Variants in SEMA6C observed in about 807,000 individuals in gnomAD.
The protein encoded by SEMA6C is semaphorin 6C, also known as semaphorin-6C.
In SEMA6C, 37 loss-of-function variants were observed where a neutral mutation model predicts 72.9. That is an observed-to-expected ratio of 0.51 (90% confidence interval 0.39 to 0.67). The LOEUF (loss-of-function observed/expected upper bound fraction) is 0.67. Among genes scored for constraint, SEMA6C ranks in the 30% least tolerant of loss-of-function variants. SEMA6C has a pLI of 0.00. For missense variants in SEMA6C, 1,189 were observed against 1,263.6 expected (o/e 0.94, Z 0.89); for synonymous variants, 578 against 554.1 (o/e 1.04, Z -0.61).
At chr1:151,136,361 G>C in intron 12 of SEMA6C, 87 bp downstream of exon 12, 1 of 1,550,008 alleles carries the variant, frequency 6.5e-7, no homozygotes, top group Non-Finnish European at 8.7e-7. Flanking sequence ...CTGAGGCCTT[G>C]GACATCTCAT....
At chr1:151,138,186 C>A in intron 8 of SEMA6C, 81 bp from the exon 9 acceptor site, 1 of 1,591,142 alleles carries the variant, frequency 6.3e-7, no homozygotes, top group Non-Finnish European at 8.6e-7. Flanking sequence ...TGCACCCCTA[C>A]CTAGGCCTGG....
Position 151,132,274 on chromosome 1 carries a change from C to A in SEMA6C, c.*210G>T. The A allele has an allele frequency of 6.5e-7, 1 of 1,530,072 alleles. No individual in the cohort carries two copies. Among genetic ancestry groups the A allele is most frequent in the Non-Finnish European group, 8.7e-7 (1 of 1,143,260 alleles). 94.8% of individuals were successfully genotyped at this position (1,530,072 alleles called of 1,614,324 possible). ...CTGAAATGCTGGCTCACTGAGGAGA[C>A]GGGCTTCTCACCTCCCACTCTTCTG... On this transcript the variant is annotated 3_prime_UTR_variant, in exon 19 of 19. Transcript: ENST00000368914.
At chr1:151,139,394 C>T in intron 6 of SEMA6C, 31 bp downstream of exon 6, 1 of 1,590,698 alleles carries the variant, frequency 6.3e-7, no homozygotes, top group Non-Finnish European at 8.6e-7. Context: ...TAATCCTCTC[C>T]TTCCCTCCAC....
chr1:151,134,800 A>C lies in SEMA6C; in HGVS notation c.1656T>G (p.Gly552=), dbSNP rs1218370551. 1 of 1,613,958 alleles carries C rather than the reference A, an allele frequency of 6.2e-7. No homozygotes were observed. The highest frequency in any genetic ancestry group is 8.5e-7 in the Non-Finnish European group (1 of 1,179,928). The change falls in exon 16 of 19, where the codon GGT becomes GGG. Residue 552 remains glycine (G), a splice_region_variant and synonymous_variant. Coordinates refer to ENST00000368914, the MANE Select transcript of SEMA6C (RefSeq NM_030913.6). ...SRGCVDIRGS[G]GTDVDQAGNQ... Reference sequence around the variant, plus strand: ...AAACCCAAGGACCCATCACTTACCCACCAGATCCCCTGATATCCACACAGC... The same window carrying C: ...AAACCCAAGGACCCATCACTTACCCCCCAGATCCCCTGATATCCACACAGC...
chr1:151,135,386 C>T (rs76056107), intron 14 of SEMA6C, 77 bp from the exon 15 acceptor site: 22,922 of 1,551,410 alleles, frequency 0.015, 460 homozygotes, highest in South Asian at 0.073. Context: ...GAACAGAAAG[C>T]GGGGAGGCAC....
intron 9 of SEMA6C, 93 bp downstream of exon 9, chr1:151,137,893 C>T (rs1682190397): frequency 7.6e-6 from 12 of 1,581,510 alleles, no homozygotes; most frequent in Non-Finnish European, 1.0e-5. Context: ...TGCATACATA[C>T]ACACTACCAC....
In SEMA6C at chr1:151,135,764, C is replaced by T; in HGVS notation, c.1260G>A (p.Arg420=). ...CCACAGCTACTTGGGTCAGTAGGGC[C>T]CTGGAGGAAAGGGCCTCAGGTCAGG... ...THQPLLTLTS[R]ALLTQVAVDG... Residue 420 remains arginine (R), a splice_region_variant and synonymous_variant, in exon 14 of 19, where the codon AGG becomes AGA. Transcript: ENST00000368914. 1 of 1,613,756 alleles carries T rather than the reference C, an allele frequency of 6.2e-7. No individual in the cohort carries two copies. Among genetic ancestry groups the T allele is most frequent in the African/African-American group, 1.3e-5 (1 of 75,038 alleles).
In SEMA6C at chr1:151,140,094, G is replaced by A. The variant is rs761386841; in HGVS notation, c.119-4C>T. 6.2e-7 allele frequency: 1 copy of A among 1,611,020 alleles called. No homozygotes were observed. Among genetic ancestry groups the A allele is most frequent in the East Asian group, 2.2e-5 (1 of 44,796 alleles). On this transcript the variant is annotated splice_region_variant and splice_polypyrimidine_tract_variant and intron_variant, in intron 3 of 18. Coordinates refer to ENST00000368914, the MANE Select transcript of SEMA6C (RefSeq NM_030913.6). ...AACCAGGATAATGGGGAAGTACCTT[G>A]AGGACACAGAGAGATAGGATTCTGA...
Position 151,138,003 on chromosome 1 carries a change from T to A in SEMA6C, c.650A>T (p.Asp217Val). The change falls in exon 9 of 19, where the codon GAC becomes GTC. Residue 217 changes from aspartate to valine, a missense_variant. Coordinates refer to ENST00000368914, the MANE Select transcript of SEMA6C (RefSeq NM_030913.6). Reference protein sequence around the residue: ...PQPPLRSAKYDSKWLREPHFV... With the variant: ...PQPPLRSAKYVSKWLREPHFV... ...GCCCTGACCTCGGAGCCACTTGGAG[T>A]CATACTTGGCGGAGCGGAGTGGGGG... is the stretch of plus-strand genomic sequence containing the variant. The A allele has an allele frequency of 1.2e-6, 2 of 1,613,928 alleles. No individual in the cohort carries two copies. Among genetic ancestry groups the A allele is most frequent in the Non-Finnish European group, 1.7e-6 (2 of 1,179,942 alleles).
At chr1:151,135,140 G>A (rs779662381) in intron 15 of SEMA6C, 23 bp downstream of exon 15, 41 of 1,611,332 alleles carry the variant, frequency 2.5e-5, no homozygotes, top group Non-Finnish European at 3.4e-5. Flanking sequence ...CCCACACAGG[G>A]CCTGGCCTCA....
rs912359067 is a variant in SEMA6C at position 151,134,091 on chromosome 1, C to T, written c.1759+310G>A. ...AGACCAGGTCAGAGCCAGTGAGGCT[C>T]TTGATCTCTACCCCTGACACCCTTC... On this transcript the variant is annotated intron_variant, in intron 18 of 18. Coordinates refer to ENST00000368914, the MANE Select transcript of SEMA6C (RefSeq NM_030913.6). 3 of 1,411,106 alleles carry T rather than the reference C, an allele frequency of 2.1e-6. No homozygotes were observed. The African/African-American group carries it at 4.3e-5, about 20-fold the overall frequency. The allele number at this position is 1,411,106 out of a possible 1,614,324, so 87.4% of individuals were successfully genotyped here.
intron 2 of SEMA6C, 73 bp from the exon 3 acceptor site, chr1:151,142,748 T>A: frequency 1.4e-6 from 1 of 713,576 alleles, no homozygotes; most frequent in Admixed American, 3.2e-5. Flanking sequence ...AGCAGGCTCC[T>A]CTCCTGGTGT....
chr1:151,142,522 A>G lies in SEMA6C; in HGVS notation c.100T>C (p.Leu34=), dbSNP rs1446880214. ...CACTCACCTTGAAGGTCAGAGATCAACAGAGGGAGGGGGTCCTGGGGAAAG... is the reference window on the plus strand; with the variant it reads ...CACTCACCTTGAAGGTCAGAGATCAGCAGAGGGAGGGGGTCCTGGGGAAAG... ...AAFPQDPLPL[L]ISDLQGTSPL... Residue 34 remains leucine (L), a synonymous_variant, in exon 3 of 19, where the codon TTG becomes CTG. Coordinates refer to ENST00000368914, the MANE Select transcript of SEMA6C (RefSeq NM_030913.6). 6.2e-7 allele frequency: 1 copy of G among 1,613,334 alleles called. No homozygotes were observed. The highest frequency in any genetic ancestry group is 1.7e-5 in the Admixed American group (1 of 59,996).
intron 7 of SEMA6C, 90 bp downstream of exon 7, chr1:151,138,540 A>G (rs747748232): frequency 1.2e-5 from 17 of 1,459,636 alleles, no homozygotes; most frequent in Admixed American, 1.8e-5. Context: ...CCATTCCCCA[A>G]CCGCAGTCCT....
In SEMA6C at chr1:151,131,945, A is replaced by G. The variant is rs1558172951; in HGVS notation, c.*539T>C. 1.8e-5 allele frequency: 4 copies of G among 225,612 alleles called. No homozygotes were observed. Among genetic ancestry groups the G allele is most frequent in the Non-Finnish European group, 3.6e-5 (4 of 110,502 alleles). 14.0% of individuals were successfully genotyped at this position (225,612 alleles called of 1,614,324 possible). The stretch of plus-strand genomic sequence containing the variant: ...ACTGCCCCCCGGCGGGACCGCAGCC[A>G]TCCCATTACCCGGGAGAGCCCAGGG... On this transcript the variant is annotated 3_prime_UTR_variant, in exon 19 of 19. Coordinates refer to ENST00000368914, the MANE Select transcript of SEMA6C (RefSeq NM_030913.6).
In SEMA6C at chr1:151,134,654, C is replaced by T; in HGVS notation, c.1680G>A (p.Gly560=). The T allele has an allele frequency of 3.1e-6, 5 of 1,614,152 alleles. No homozygotes were observed. The highest frequency in any genetic ancestry group is 3.4e-6 in the Non-Finnish European group (4 of 1,180,028). Residue 560 remains glycine, a synonymous_variant, in exon 17 of 19, where the codon GGG becomes GGA. Coordinates refer to ENST00000368914, the MANE Select transcript of SEMA6C (RefSeq NM_030913.6). ...CACCATGCTCCATGGATTCCTGGTT[C>T]CCAGCCTGATCCACATCAGTCCTAG... ...GSGGTDVDQA[G]NQESMEHGDC...
intron 3 of SEMA6C, among the ~76,000 whole-genome samples, chr1:151,141,689 G>GT (rs1424989021): frequency 6.9e-6 from 1 of 144,886 alleles, no homozygotes; most frequent in Non-Finnish European, 1.5e-5. Context: ...GGGATTACAG[G>GT]TGTAAAGCCA....
intron 1 of SEMA6C, chr1:151,144,995 T>C (rs587756335): frequency 3.9e-5 from 6 of 152,448 alleles, no homozygotes; most frequent in Non-Finnish European, 7.3e-5. Context: ...GGCCTTTGCA[T>C]TGGCCTTCTA....
chr1:151,135,891 C>G, intron 13 of SEMA6C, 120 bp downstream of exon 13: 1 of 1,525,514 alleles, frequency 6.6e-7, no homozygotes, highest in Non-Finnish European at 8.9e-7. Flanking sequence ...CTTCTTAGCT[C>G]TCTCCCTTCT....
Sources: gnomAD v4.1 joint callset for allele counts (sites outside exome capture counted in the v4.1 genomes callset) on GRCh38, gnomAD v4.1.1 for gene constraint, MANE v1.5 for transcripts, NCBI Gene and HGNC (gene_info 2026-07-23, HGNC 2026-07-21) for gene names.